The following MYO10 variants were observed in gnomAD, a reference collection of about 807,000 sequenced individuals.
MYO10 encodes unconventional myosin-X.
MYO10 carries 133 observed loss-of-function variants against 257.3 expected under a neutral mutation model. The ratio of observed to expected loss-of-function variants is 0.52; its 90% CI spans 0.45 to 0.60. The LOEUF (loss-of-function observed/expected upper bound fraction) is 0.60. Among genes scored for constraint, MYO10 ranks in the 20% least tolerant of loss-of-function variants. MYO10 has a pLI of 0.00. For synonymous variants in MYO10, 1,104 were observed against 1,028.6 expected (o/e 1.07, Z -1.40); for missense variants, 2,399 against 2,635.7 (o/e 0.91, Z 1.97).
intron 2 of MYO10, among the ~76,000 whole-genome samples, chr5:16,819,799 G>A (rs1742743164): frequency 6.6e-6 from 1 of 152,014 alleles, no homozygotes. Context: ...TTTTTTTCAT[G>A]AGCCATGACA....
chr5:16,893,909 A>T (rs568224174), intron 1 of MYO10, among the ~76,000 whole-genome samples: 2 of 152,170 alleles, frequency 1.3e-5, no homozygotes, highest in East Asian at 3.9e-4. Context: ...GGCACCAGGC[A>T]GCGAGGAGTG....
chr5:16,802,459 C>A (rs1174293954), intron 3 of MYO10, among the ~76,000 whole-genome samples: 1 of 151,134 alleles, frequency 6.6e-6, no homozygotes, highest in Admixed American at 6.6e-5. Context: ...GAGATTGAGA[C>A]CATCCTGGCT....
chr5:16,730,586 C>T (rs1739541653), intron 19 of MYO10, among the ~76,000 whole-genome samples: 1 of 152,154 alleles, frequency 6.6e-6, no homozygotes, highest in Non-Finnish European at 1.5e-5. Flanking sequence ...TCAACAGGGG[C>T]AGCATCAGCT....
rs1736945277 is a variant in MYO10 at position 16,680,555 on chromosome 5, C to T, written c.4385-451G>A. On this transcript the variant is annotated intron_variant, in intron 32 of 40. Coordinates refer to ENST00000513610, the MANE Select transcript of MYO10 (RefSeq NM_012334.3). Reference sequence around the variant, plus strand: ...GTGTGTGAGTTCAGAGGCAAGCTGTCCGAACCGTCACCCAAACCTGACGCG... The same window carrying T: ...GTGTGTGAGTTCAGAGGCAAGCTGTTCGAACCGTCACCCAAACCTGACGCG... 2.6e-5 allele frequency among the ~76,000 whole-genome samples: 4 copies of T among 152,130 alleles called. No individual in the cohort carries two copies. The South Asian group carries it at 8.3e-4, about 31-fold the overall frequency.
At chr5:16,757,347 A>G (rs1348708309) in intron 18 of MYO10, among the ~76,000 whole-genome samples, 1 of 139,224 alleles carries the variant, frequency 7.2e-6, no homozygotes, top group Non-Finnish European at 1.5e-5. Flanking sequence ...CACACACGGA[A>G]AAAAAAAAAG....
chr5:16,852,899 C>T (rs1225909651), intron 2 of MYO10, among the ~76,000 whole-genome samples: 1 of 152,092 alleles, frequency 6.6e-6, no homozygotes, highest in Non-Finnish European at 1.5e-5. Flanking sequence ...TCCTCAAAAG[C>T]CTTTGCCAAG....
intron 2 of MYO10, among the ~76,000 whole-genome samples, chr5:16,857,895 C>A (rs1215232499): frequency 6.6e-6 from 1 of 152,188 alleles, no homozygotes; most frequent in Non-Finnish European, 1.5e-5. Flanking sequence ...TCAAGTCATT[C>A]CAATGTGTAA....
At chr5:16,722,697 A>C (rs1467780206) in intron 19 of MYO10, among the ~76,000 whole-genome samples, 1 of 152,232 alleles carries the variant, frequency 6.6e-6, no homozygotes, top group African/African-American at 2.4e-5. Flanking sequence ...TAAATCATAG[A>C]CCTATGTATG....
chr5:16,861,249 C>G (rs1360635757), intron 2 of MYO10, among the ~76,000 whole-genome samples: 4 of 144,972 alleles, frequency 2.8e-5, no homozygotes, highest in African/African-American at 8.0e-5. Context: ...CATTTCCCTA[C>G]AGCAATAAAA....
rs1307465226 is a variant in MYO10, at chr5:16,685,844, G to C, written c.3897-13C>G. 6 of 1,578,834 alleles carry C rather than the reference G, an allele frequency of 3.8e-6. No homozygotes were observed. The highest frequency in any genetic ancestry group is 5.2e-6 in the Non-Finnish European group (6 of 1,162,094). ...GCTGAACCACTGGCTGTGGGGAAGA[G>C]AGAGCAACTGTCAAGGAGAGGCCAA... On this transcript the variant is annotated splice_polypyrimidine_tract_variant and intron_variant, in intron 28 of 40. Coordinates refer to ENST00000513610, the MANE Select transcript of MYO10 (RefSeq NM_012334.3).
At chr5:16,867,082 T>C (rs1013534423) in intron 2 of MYO10, among the ~76,000 whole-genome samples, 2 of 152,234 alleles carry the variant, frequency 1.3e-5, no homozygotes, top group African/African-American at 4.8e-5. Flanking sequence ...GCACAGCAGC[T>C]GGCTTTGCGT....
At chr5:16,747,352 T>C (rs1377911989) in intron 19 of MYO10, among the ~76,000 whole-genome samples, 1 of 134,986 alleles carries the variant, frequency 7.4e-6, no homozygotes, top group Non-Finnish European at 1.5e-5. Flanking sequence ...ACAGAATCTA[T>C]GGCAATAGTT....
chr5:16,832,055 C>T (rs536004494), intron 2 of MYO10, among the ~76,000 whole-genome samples: 13 of 152,184 alleles, frequency 8.5e-5, no homozygotes, highest in African/African-American at 2.4e-4. Flanking sequence ...TGATGCTCCC[C>T]GCCTTAGCCC....
chr5:16,702,192 C>G (rs578154640), intron 24 of MYO10, among the ~76,000 whole-genome samples: 6 of 152,320 alleles, frequency 3.9e-5, no homozygotes, highest in African/African-American at 1.4e-4. Context: ...AGACATCAAA[C>G]TTAAGGATAA....
chr5:16,677,707 A>G (rs26750), intron 33 of MYO10, among the ~76,000 whole-genome samples: 61,555 of 151,104 alleles, frequency 0.41, 13,222 homozygotes, highest in African/African-American at 0.55. Context: ...GAGCCATCGC[A>G]CCCGGCCAAC....
intron 1 of MYO10, among the ~76,000 whole-genome samples, chr5:16,927,742 C>T (rs1292330676): frequency 6.6e-6 from 1 of 152,172 alleles, no homozygotes; most frequent in African/African-American, 2.4e-5. Context: ...ATATGTTTCT[C>T]CCTTGTTCTA....
intron 21 of MYO10, among the ~76,000 whole-genome samples, chr5:16,708,058 A>C (rs1738425404): frequency 6.6e-6 from 1 of 152,218 alleles, no homozygotes; most frequent in Non-Finnish European, 1.5e-5. Context: ...TAACTCAAAC[A>C]CTGGTCAAGA....
intron 19 of MYO10, among the ~76,000 whole-genome samples, chr5:16,734,458 C>A (rs1381871797): frequency 6.6e-6 from 1 of 152,146 alleles, no homozygotes; most frequent in South Asian, 2.1e-4. Context: ...AACGAACACA[C>A]CTGTTTTTTG....
chr5:16,768,025 C>T (rs1239391881), intron 10 of MYO10, among the ~76,000 whole-genome samples: 1 of 151,916 alleles, frequency 6.6e-6, no homozygotes, highest in African/African-American at 2.4e-5. Context: ...ATACAACCCA[C>T]ATAAACAAAA....
Sources: gnomAD v4.1 joint callset for allele counts (sites outside exome capture counted in the v4.1 genomes callset) on GRCh38, gnomAD v4.1.1 for gene constraint, MANE v1.5 for transcripts, NCBI Gene and HGNC (gene_info 2026-07-23, HGNC 2026-07-21) for gene names.